The following TPST1 variants were observed in gnomAD, a reference collection of about 807,000 sequenced individuals.
The protein encoded by TPST1 is protein-tyrosine sulfotransferase 1.
A neutral mutation model predicts 34.8 loss-of-function variants in TPST1; 20 were observed. The ratio of observed to expected loss-of-function variants is 0.57; its 90% CI spans 0.40 to 0.84. The LOEUF (loss-of-function observed/expected upper bound fraction) is 0.84. Ranked by LOEUF, TPST1 falls within the 40% of genes least tolerant of loss-of-function variation. The pLI is 0.00. For synonymous variants in TPST1, 152 were observed against 159.4 expected, an observed-to-expected ratio of 0.95 and a Z score of 0.35; for missense variants, 353 against 455.5, an observed-to-expected ratio of 0.78 and a Z score of 2.05.
chr7:66,352,405 G>C, intron 3 of TPST1, 100 bp from the exon 4 acceptor site: 1 of 1,541,326 alleles, frequency 6.5e-7, no homozygotes, highest in South Asian at 1.3e-5. Context: ...CTCACCAGCA[G>C]TGGAGCAGTA....
chr7:66,337,433 C>T (rs947682418), intron 3 of TPST1, among the ~76,000 whole-genome samples: 60 of 151,580 alleles, frequency 4.0e-4, no homozygotes, highest in Admixed American at 3.5e-3. Flanking sequence ...CCTCAGCCTC[C>T]GAGTAACTGG....
Position 66,231,630 on chromosome 7 carries a change from C to T in TPST1, c.-101-8695C>T, listed in dbSNP as rs375093065. 1.4e-4 allele frequency among the ~76,000 whole-genome samples: 22 copies of T among 152,378 alleles called. No individual in the cohort carries two copies. The East Asian group carries it at 2.9e-3, about 20-fold the overall frequency. On this transcript the variant is annotated intron_variant, in intron 1 of 5. Transcript: ENST00000304842. Reference sequence around the variant, plus strand: ...GGCCGGCAGGGCCAGCCAGCTGCTCCGAGTGCGGGGCCCGCCAAGTCCACG... The same window carrying T: ...GGCCGGCAGGGCCAGCCAGCTGCTCTGAGTGCGGGGCCCGCCAAGTCCACG...
chr7:66,259,346 T>C (rs1356093475), intron 2 of TPST1, among the ~76,000 whole-genome samples: 1 of 152,210 alleles, frequency 6.6e-6, no homozygotes, highest in African/African-American at 2.4e-5. Flanking sequence ...TATTATCATT[T>C]TCAATCCATA....
At chr7:66,356,684 T>C in intron 4 of TPST1, 141 bp from the exon 5 acceptor site, 2 of 885,898 alleles carry the variant, frequency 2.3e-6, no homozygotes, top group South Asian at 3.1e-5. Context: ...GTCAGATTCT[T>C]GAGCATACCA....
rs754222451 is a variant in TPST1 at position 66,332,270 on chromosome 7, C to CTTT, written c.1045-20223_1045-20221dup. Among the ~76,000 whole-genome samples the CTTT allele has an allele frequency of 7.0e-6, 1 of 142,832 alleles. No individual in the cohort carries two copies. Among genetic ancestry groups the CTTT allele is most frequent in the Admixed American group, 7.0e-5 (1 of 14,230 alleles). The allele number at this position is 142,832 out of a possible 152,430, so 93.7% of individuals were successfully genotyped here. Reference sequence around the variant, plus strand: ...GTTGCACTGAGACTTTTGTTTACATCTTTTTTTTTTTTTTGAGATGAGAGT... The same window carrying CTTT: ...GTTGCACTGAGACTTTTGTTTACATCTTTTTTTTTTTTTTTTTGAGATGAGAGT... On this transcript the variant is annotated intron_variant, in intron 3 of 5. Coordinates refer to ENST00000304842, the MANE Select transcript of TPST1 (RefSeq NM_003596.4). The surrounding 1 kb of genome is among the most constrained non-coding windows in gnomAD (Gnocchi z 4.5).
Position 66,352,495 on chromosome 7 carries a change from G to A in TPST1, c.1045-10G>A. 6.2e-7 allele frequency: 1 copy of A among 1,611,354 alleles called. No homozygotes were observed. Among genetic ancestry groups the A allele is most frequent in the Non-Finnish European group, 8.5e-7 (1 of 1,179,460 alleles). On this transcript the variant is annotated splice_polypyrimidine_tract_variant and intron_variant, in intron 3 of 5. Coordinates refer to ENST00000304842, the MANE Select transcript of TPST1 (RefSeq NM_003596.4). ...GTTGCCTTAAACTCACGCCTGCTTT[G>A]TTTTTCCAGGTCTATAAGGGAGAAT...
intron 1 of TPST1, among the ~76,000 whole-genome samples, chr7:66,218,920 A>G (rs374924429): frequency 6.6e-6 from 1 of 151,678 alleles, no homozygotes; most frequent in Non-Finnish European, 1.5e-5. Flanking sequence ...TGGCTCTGTC[A>G]TCTAGGCTGG....
intron 2 of TPST1, among the ~76,000 whole-genome samples, chr7:66,251,746 A>G (rs1790266659): frequency 6.7e-5 from 10 of 149,978 alleles, no homozygotes. Flanking sequence ...CCTGTTGGTA[A>G]ACTTTATATA....
chr7:66,271,701 C>G (rs1790708336), intron 2 of TPST1, among the ~76,000 whole-genome samples: 1 of 152,158 alleles, frequency 6.6e-6, no homozygotes, highest in Non-Finnish European at 1.5e-5. Flanking sequence ...ATGGCAGTGT[C>G]TCCTTTTTAA....
At chr7:66,284,227 C>T (rs927669050) in intron 2 of TPST1, among the ~76,000 whole-genome samples, 3 of 152,190 alleles carry the variant, frequency 2.0e-5, no homozygotes, top group Non-Finnish European at 4.4e-5. Context: ...ATGGCTTTCA[C>T]TATTCTGATG....
chr7:66,257,480 C>T, intron 2 of TPST1, among the ~76,000 whole-genome samples: 1 of 152,174 alleles, frequency 6.6e-6, no homozygotes, highest in Non-Finnish European at 1.5e-5. Flanking sequence ...CTTCCTTTTT[C>T]ATGAAAGGTA....
At chr7:66,296,255 C>G (rs1242072179) in intron 3 of TPST1, among the ~76,000 whole-genome samples, 16 of 38,972 alleles carry the variant, frequency 4.1e-4, no homozygotes, top group South Asian at 1.3e-3. Context: ...CTTCCCCCCC[C>G]CCTCCCCCAC....
chr7:66,318,159 A>AAAAT (rs777718625), intron 3 of TPST1, among the ~76,000 whole-genome samples: 18 of 152,086 alleles, frequency 1.2e-4, no homozygotes, highest in South Asian at 2.1e-4. Context: ...CTCTTTCTCA[A>AAAAT]AAATAAATAA....
At chr7:66,356,704 ACT>A (rs1792589198) in intron 4 of TPST1, 119 bp from the exon 5 acceptor site, 6 of 1,101,128 alleles carry the variant, frequency 5.4e-6, no homozygotes, top group Non-Finnish European at 8.2e-6. Flanking sequence ...ACAGTAGTGC[ACT>A]GAGTTCATCT....
chr7:66,244,051 C>T (rs1790097018), intron 2 of TPST1, among the ~76,000 whole-genome samples: 3 of 150,632 alleles, frequency 2.0e-5, no homozygotes, highest in African/African-American at 7.4e-5. Flanking sequence ...CAGGTTCACG[C>T]CATTCTCCTG....
chr7:66,355,840 G>A (rs1792570870), intron 4 of TPST1, among the ~76,000 whole-genome samples: 1 of 150,626 alleles, frequency 6.6e-6, no homozygotes, highest in Non-Finnish European at 1.5e-5. Context: ...AGGAGGCAGA[G>A]GTTGCAGTGA....
chr7:66,200,558 T>C (rs1039958427), upstream of TPST1, among the ~76,000 whole-genome samples: 1 of 151,318 alleles, frequency 6.6e-6, no homozygotes, highest in African/African-American at 2.4e-5. Flanking sequence ...TAGCTGGAAC[T>C]ACAGGCGCCC....
At chr7:66,357,797 T>C (rs148845767) in intron 5 of TPST1, among the ~76,000 whole-genome samples, 1 of 152,324 alleles carries the variant, frequency 6.6e-6, no homozygotes, top group East Asian at 1.9e-4. Flanking sequence ...TCAAAAAATC[T>C]GATATTGGCT....
chr7:66,327,971 GT>G (rs1388464008), intron 3 of TPST1, among the ~76,000 whole-genome samples: 52 of 67,930 alleles, frequency 7.7e-4, no homozygotes, highest in Non-Finnish European at 9.7e-5. Context: ...TCTTTGTTGT[GT>G]TTTTGGTGTT....
Sources: gnomAD v4.1 joint callset for allele counts (sites outside exome capture counted in the v4.1 genomes callset) on GRCh38, gnomAD v4.1.1 for gene constraint, Gnocchi (gnomAD v3.1) non-coding constraint, MANE v1.5 for transcripts, NCBI Gene and HGNC (gene_info 2026-07-23, HGNC 2026-07-21) for gene names.